The following CSNK2A2IP variants were observed in gnomAD, a reference collection of about 807,000 sequenced individuals.
CSNK2A2IP encodes casein kinase II subunit alpha'-interacting protein.
chr3:88,344,493 C>A, the CSNK2A2IP span, among the ~76,000 whole-genome samples: 3 of 151,772 alleles, frequency 2.0e-5, no homozygotes, highest in African/African-American at 7.3e-5. Flanking sequence ...AAGAACTGAG[C>A]CCCAGACTGA....
the CSNK2A2IP span, among the ~76,000 whole-genome samples, chr3:88,446,046 CTTTCTTTCTTTCTTTCTTTCTT>C: frequency 3.7e-4 from 23 of 62,240 alleles, 1 homozygote; most frequent in East Asian, 5.3e-3. Context: ...TTCTTTCTTT[CTTTCTTTCTTTCTTTCTTTCTT>C]TCTTTCTTTC....
At chr3:88,441,076 G>A in the CSNK2A2IP span, among the ~76,000 whole-genome samples, 1 of 152,124 alleles carries the variant, frequency 6.6e-6, no homozygotes, top group African/African-American at 2.4e-5. Flanking sequence ...AATTTAACTA[G>A]GTGTTGCCTG....
chr3:88,407,806 C>T, the CSNK2A2IP span, among the ~76,000 whole-genome samples: 1 of 152,040 alleles, frequency 6.6e-6, no homozygotes, highest in African/African-American at 2.4e-5. Flanking sequence ...TCACTGCAAC[C>T]TCCGCCTCCC....
the CSNK2A2IP span, among the ~76,000 whole-genome samples, chr3:88,406,430 A>G: frequency 6.6e-6 from 1 of 152,210 alleles, no homozygotes. Context: ...CTTAGCTGGC[A>G]GTTGAGCTTT....
the CSNK2A2IP span, among the ~76,000 whole-genome samples, chr3:88,424,705 A>G: frequency 6.6e-6 from 1 of 152,092 alleles, no homozygotes; most frequent in Non-Finnish European, 1.5e-5. Flanking sequence ...GGAACAAACA[A>G]TTTCAGAAGA....
the CSNK2A2IP span, among the ~76,000 whole-genome samples, chr3:88,349,161 G>A: frequency 0.41 from 62,423 of 151,640 alleles, 14,774 homozygotes; most frequent in South Asian, 0.6. Context: ...ATAGTTTTGG[G>A]GGTGCAGGTG....
At chr3:88,447,763 T>C in the CSNK2A2IP span, among the ~76,000 whole-genome samples, 2 of 152,146 alleles carry the variant, frequency 1.3e-5, no homozygotes, top group Non-Finnish European at 2.9e-5. Context: ...TGTCTTCTAC[T>C]ATGAATATCG....
At chr3:88,383,954 C>T in the CSNK2A2IP span, among the ~76,000 whole-genome samples, 4 of 152,086 alleles carry the variant, frequency 2.6e-5, no homozygotes, top group Admixed American at 6.5e-5. Flanking sequence ...TAAGCCACTG[C>T]GCCGGGCTTC....
chr3:88,364,214 A>T, the CSNK2A2IP span, among the ~76,000 whole-genome samples: 1 of 151,940 alleles, frequency 6.6e-6, no homozygotes, highest in Non-Finnish European at 1.5e-5. Flanking sequence ...TCTCTCGGGG[A>T]TCCCTGTAAT....
At chr3:88,354,440 T>G in the CSNK2A2IP span, among the ~76,000 whole-genome samples, 29 of 152,144 alleles carry the variant, frequency 1.9e-4, no homozygotes, top group Non-Finnish European at 4.3e-4. Flanking sequence ...CAACAAAATT[T>G]AAGGAATGCT....
the CSNK2A2IP span, among the ~76,000 whole-genome samples, chr3:88,408,986 T>G: frequency 6.6e-6 from 1 of 152,060 alleles, no homozygotes; most frequent in Non-Finnish European, 1.5e-5. Context: ...CCAGGAATAG[T>G]GTAATTAGTT....
At chr3:88,342,709 TAAA>T in the CSNK2A2IP span, among the ~76,000 whole-genome samples, 7 of 147,964 alleles carry the variant, frequency 4.7e-5, no homozygotes, top group Non-Finnish European at 6.0e-5. Flanking sequence ...TGAGCAAGGT[TAAA>T]AAAAAAAAAC....
the CSNK2A2IP span, among the ~76,000 whole-genome samples, chr3:88,383,471 C>A: frequency 2.6e-5 from 4 of 152,078 alleles, no homozygotes; most frequent in Non-Finnish European, 5.9e-5. Context: ...ATGTTTGGTG[C>A]AGAGTCAAGT....
chr3:88,402,958 A>G, the CSNK2A2IP span, among the ~76,000 whole-genome samples: 7 of 152,200 alleles, frequency 4.6e-5, no homozygotes, highest in Non-Finnish European at 1.0e-4. Context: ...TTGCTTCTGC[A>G]TATTTTCAAA....
At chr3:88,369,385 GA>G in the CSNK2A2IP span, among the ~76,000 whole-genome samples, 1 of 151,822 alleles carries the variant, frequency 6.6e-6, no homozygotes, top group Non-Finnish European at 1.5e-5. Context: ...ACAGAAACTG[GA>G]AAATCATTAA....
the CSNK2A2IP span, chr3:88,466,716 GT>G: frequency 9.1e-7 from 1 of 1,094,028 alleles, no homozygotes; most frequent in Non-Finnish European, 1.2e-6. Flanking sequence ...GGCAGATTTT[GT>G]TTAGAAGGAT....
chr3:88,399,303 A>G, the CSNK2A2IP span, among the ~76,000 whole-genome samples: 14 of 152,194 alleles, frequency 9.2e-5, no homozygotes, highest in Non-Finnish European at 1.5e-4. Flanking sequence ...CAATTTATTG[A>G]CTTAAACATT....
the CSNK2A2IP span, among the ~76,000 whole-genome samples, chr3:88,407,326 C>A: frequency 6.9e-6 from 1 of 143,996 alleles, no homozygotes; most frequent in African/African-American, 2.6e-5. Flanking sequence ...GAGGGAGGGT[C>A]TGAATGCATA....
chr3:88,429,137 T>C, the CSNK2A2IP span, among the ~76,000 whole-genome samples: 1 of 151,890 alleles, frequency 6.6e-6, no homozygotes, highest in Non-Finnish European at 1.5e-5. Context: ...CCACAGTTCA[T>C]GTCCAAACAT....
Sources: gnomAD v4.1 joint callset for allele counts (sites outside exome capture counted in the v4.1 genomes callset) on GRCh38, gnomAD v4.1.1 for gene constraint, MANE v1.5 for transcripts, NCBI Gene and HGNC (gene_info 2026-07-23, HGNC 2026-07-21) for gene names.